Variants in NYAP2 observed in about 807,000 individuals in gnomAD.
The protein encoded by NYAP2 is neuronal tyrosine-phosphorylated phosphoinositide-3-kinase adapter 2.
NYAP2 carries 23 observed loss-of-function variants against 50.4 expected under a neutral mutation model. The ratio of observed to expected loss-of-function variants is 0.46; its 90% CI spans 0.33 to 0.65. The LOEUF is 0.65. Ranked by LOEUF, NYAP2 falls within the 30% of genes least tolerant of loss-of-function variation. The probability of loss-of-function intolerance (pLI) is 0.02; values close to 1 mark genes in which losing one functional copy is unlikely to be tolerated. For synonymous variants in NYAP2, 394 were observed against 365.2 expected (o/e 1.08, Z -0.90); for missense variants, 885 against 861.0 (o/e 1.03, Z -0.35).
At chr2:225,665,199 CT>C in the NYAP2 span, among the ~76,000 whole-genome samples, 5 of 151,630 alleles carry the variant, frequency 3.3e-5, no homozygotes, top group Non-Finnish European at 4.4e-5. Context: ...GAACTTTGCT[CT>C]TTTTTTTTCT....
intron 3 of NYAP2, among the ~76,000 whole-genome samples, chr2:225,423,017 T>G (rs1361310524): frequency 6.6e-6 from 1 of 152,074 alleles, no homozygotes; most frequent in African/African-American, 2.4e-5. Context: ...AAGAAGTCAA[T>G]CAGTGTCACA....
intron 5 of NYAP2, among the ~76,000 whole-genome samples, chr2:225,618,072 G>C (rs906493394): frequency 1.3e-5 from 2 of 152,134 alleles, no homozygotes; most frequent in African/African-American, 4.8e-5. Flanking sequence ...GAAGGCATAG[G>C]GTGGCCCATC....
rs184419796 is a variant in NYAP2 at position 225,448,050 on chromosome 2, T to C, written c.221+38949T>C. On this transcript the variant is annotated intron_variant, in intron 3 of 6. Transcript: ENST00000636099. ...AACCTGGGAAGCTGTCCCGGTTTGT[T>C]GCCACCTGAGATGGGCCTTCTCAGC... Among the ~76,000 whole-genome samples the C allele has an allele frequency of 2.9e-3, 443 of 152,320 alleles. 2 individuals are homozygous for C. Among genetic ancestry groups the C allele is most frequent in the Non-Finnish European group, 3.4e-3 (232 of 68,026 alleles).
rs183654135 is a variant in NYAP2 at position 225,529,362 on chromosome 2, C to A, written c.523+15690C>A. On this transcript the variant is annotated intron_variant, in intron 4 of 6. Coordinates refer to ENST00000636099, the Ensembl canonical transcript of NYAP2. ...TTTTGAGATAGAGTCTCTCTCTTGT[C>A]GCCCAGGCTGGAGTGAAGTGGCATG... Among the ~76,000 whole-genome samples, 366 of 152,188 alleles carry A rather than the reference C, an allele frequency of 2.4e-3. 2 individuals are homozygous for A. The highest frequency in any genetic ancestry group is 0.02 in the Admixed American group (301 of 15,276).
intron 4 of NYAP2, among the ~76,000 whole-genome samples, chr2:225,544,607 G>A (rs145782055): frequency 1.3e-5 from 2 of 152,046 alleles, no homozygotes; most frequent in South Asian, 2.1e-4. Flanking sequence ...TTAACATTTC[G>A]TTGTTTCTCT....
chr2:225,522,700 T>G (rs1465646), intron 4 of NYAP2, among the ~76,000 whole-genome samples: 1 of 151,918 alleles, frequency 6.6e-6, no homozygotes, highest in Non-Finnish European at 1.5e-5. Context: ...CCTTTCTTTC[T>G]TGTTGCTTAC....
intron 3 of NYAP2, among the ~76,000 whole-genome samples, chr2:225,503,386 A>G (rs1265670171): frequency 5.3e-5 from 8 of 152,194 alleles, no homozygotes; most frequent in Admixed American, 5.2e-4. Context: ...AGAAATGAGG[A>G]ATGTTTTAAT....
chr2:225,418,204 G>C (rs1695156522), intron 3 of NYAP2, among the ~76,000 whole-genome samples: 2 of 152,104 alleles, frequency 1.3e-5, no homozygotes, highest in South Asian at 4.1e-4. Flanking sequence ...GGTCGTAATG[G>C]GGAGCATTCA....
intron 2 of NYAP2, among the ~76,000 whole-genome samples, chr2:225,408,334 G>A (rs1356231865): frequency 1.3e-5 from 2 of 152,018 alleles, no homozygotes; most frequent in Non-Finnish European, 2.9e-5. Flanking sequence ...TATTAGAAAT[G>A]TGTTTTTCTT....
chr2:225,580,260 A>AATCTGATG (rs1692249064), intron 4 of NYAP2, among the ~76,000 whole-genome samples: 1 of 152,214 alleles, frequency 6.6e-6, no homozygotes, highest in African/African-American at 2.4e-5. Context: ...TTTTGTATAT[A>AATCTGATG]ATCTGATGAC....
chr2:225,531,484 T>C (rs1399514883), intron 4 of NYAP2, among the ~76,000 whole-genome samples: 2 of 152,266 alleles, frequency 1.3e-5, no homozygotes, highest in Non-Finnish European at 2.9e-5. Flanking sequence ...TGTATCCCAA[T>C]GAGACTATAC....
chr2:225,633,874 G>C (rs1387894050), intron 6 of NYAP2, among the ~76,000 whole-genome samples: 1 of 152,188 alleles, frequency 6.6e-6, no homozygotes, highest in Non-Finnish European at 1.5e-5. Flanking sequence ...AGCTGGGTAA[G>C]ACCCGAAGAC....
At chr2:225,650,122 C>T (rs934622254) in intron 6 of NYAP2, among the ~76,000 whole-genome samples, 10 of 152,028 alleles carry the variant, frequency 6.6e-5, no homozygotes, top group South Asian at 4.2e-4. Flanking sequence ...TGTAAGTAGG[C>T]GTAAGCTTAC....
intron 6 of NYAP2, among the ~76,000 whole-genome samples, chr2:225,643,741 C>A (rs1354719182): frequency 2.0e-5 from 3 of 151,690 alleles, no homozygotes; most frequent in Non-Finnish European, 2.9e-5. Context: ...ATGATTTCCA[C>A]TTTCATCCAT....
chr2:225,402,823 A>G (rs908642188), intron 2 of NYAP2, among the ~76,000 whole-genome samples: 1 of 151,992 alleles, frequency 6.6e-6, no homozygotes, highest in African/African-American at 2.4e-5. Context: ...TTCAAGCATA[A>G]TCAAAGTGAA....
At chr2:225,399,389 T>C (rs1362107549), upstream of NYAP2, among the ~76,000 whole-genome samples, 2 of 152,032 alleles carry the variant, frequency 1.3e-5, no homozygotes, top group East Asian at 1.9e-4. Context: ...ATGTGATATA[T>C]ATGTATATAT....
At chr2:225,444,639 G>T (rs914205089) in intron 3 of NYAP2, among the ~76,000 whole-genome samples, 2 of 152,104 alleles carry the variant, frequency 1.3e-5, no homozygotes, top group South Asian at 2.1e-4. Flanking sequence ...TGATAATGAA[G>T]GATTTCTAGA....
intron 3 of NYAP2, among the ~76,000 whole-genome samples, chr2:225,508,635 T>C (rs1002503569): frequency 3.9e-5 from 6 of 152,002 alleles, no homozygotes; most frequent in African/African-American, 1.5e-4. Flanking sequence ...GGAAAAGCAA[T>C]TGAATAGGAA....
chr2:225,519,496 C>T (rs1335713186), intron 4 of NYAP2, among the ~76,000 whole-genome samples: 1 of 147,122 alleles, frequency 6.8e-6, no homozygotes, highest in Non-Finnish European at 1.5e-5. Flanking sequence ...TGTTCAGTTC[C>T]CACCTATGAG....
Sources: allele counts gnomAD v4.1 joint callset (sites outside exome capture counted in the v4.1 genomes callset), GRCh38; gene constraint gnomAD v4.1.1; transcripts MANE v1.5; gene names NCBI Gene and HGNC (gene_info 2026-07-23, HGNC 2026-07-21).